The following HYAL4 variants were observed in gnomAD, a reference collection of about 807,000 sequenced individuals.
HYAL4 encodes the protein hyaluronidase 4.
A neutral mutation model predicts 35.2 loss-of-function variants in HYAL4; 37 were observed. That is an observed-to-expected ratio of 1.05 (90% CI 0.81 to 1.38). The LOEUF (loss-of-function observed/expected upper bound fraction) is 1.38, where lower values mean the gene tolerates loss of function less well. Ranked by LOEUF, HYAL4 falls within the 40% of genes most tolerant of loss-of-function variation. The pLI is 0.00. For synonymous variants in HYAL4, 198 were observed against 203.2 expected (o/e 0.97, Z 0.22); for missense variants, 572 against 572.4 (o/e 1.00, Z 0.01).
chr7:123,852,227 A>G (rs1195325786), intron 2 of HYAL4, among the ~76,000 whole-genome samples: 4 of 152,168 alleles, frequency 2.6e-5, no homozygotes, highest in African/African-American at 9.7e-5. Flanking sequence ...TGCTGTGCAG[A>G]AGGTCTTTAG....
the HYAL4 span, among the ~76,000 whole-genome samples, chr7:123,801,643 AT>A: frequency 6.6e-5 from 10 of 152,314 alleles, no homozygotes; most frequent in South Asian, 1.9e-3. Flanking sequence ...GATTTCATCA[AT>A]TTTATTTCAT....
chr7:123,851,435 C>T (rs893556323), intron 2 of HYAL4, among the ~76,000 whole-genome samples: 1 of 152,018 alleles, frequency 6.6e-6, no homozygotes, highest in Non-Finnish European at 1.5e-5. Context: ...ATGTTCCCCT[C>T]CCTGTGTCCA....
chr7:123,824,519 C>A (rs1005111419), upstream of HYAL4, among the ~76,000 whole-genome samples: 3 of 152,088 alleles, frequency 2.0e-5, no homozygotes, highest in African/African-American at 4.8e-5. Context: ...CTTTTTCTTA[C>A]ATGAAGCGCT....
At chr7:123,801,079 C>T in the HYAL4 span, among the ~76,000 whole-genome samples, 1 of 152,070 alleles carries the variant, frequency 6.6e-6, no homozygotes, top group Non-Finnish European at 1.5e-5. Flanking sequence ...ATTTTGGAGG[C>T]CAAGGTGGGC....
chr7:123,796,387 A>G, the HYAL4 span, among the ~76,000 whole-genome samples: 2 of 152,230 alleles, frequency 1.3e-5, no homozygotes, highest in East Asian at 3.8e-4. Flanking sequence ...GTTTATAAGT[A>G]TACTATTAGC....
the HYAL4 span, among the ~76,000 whole-genome samples, chr7:123,789,885 G>A: frequency 6.6e-6 from 1 of 152,180 alleles, no homozygotes; most frequent in Non-Finnish European, 1.5e-5. Context: ...CAGAGCGAGA[G>A]TGAGAATGAG....
Position 123,869,039 on chromosome 7 carries a change from G to C in HYAL4, c.766G>C (p.Ala256Pro), listed in dbSNP as rs187416553. 6.2e-7 allele frequency: 1 copy of C among 1,614,228 alleles called. No homozygotes were observed. Among genetic ancestry groups the C allele is most frequent in the South Asian group, 1.1e-5 (1 of 91,084 alleles). The change falls in exon 3 of 5, where the codon GCT becomes CCT. Residue 256 changes from alanine (A) to proline (P), a missense_variant. By Grantham distance (27) the Ala-to-Pro change is conservative (BLOSUM62 -1). Transcript: ENST00000223026. ...NELSWLWNSS[A>P]ALYPSIGVWK... is the part of the protein sequence containing the mutation. ...GCTCTCTTGGCTCTGGAACAGCAGT[G>C]CTGCTTTATATCCTTCTATCGGTGT...
At chr7:123,780,342 A>G in the HYAL4 span, among the ~76,000 whole-genome samples, 3 of 152,166 alleles carry the variant, frequency 2.0e-5, no homozygotes, top group African/African-American at 7.2e-5. Context: ...TAAGTTATTT[A>G]ATCTTTATCA....
intron 2 of HYAL4, among the ~76,000 whole-genome samples, chr7:123,851,315 A>T (rs1166023916): frequency 6.6e-6 from 1 of 152,164 alleles, no homozygotes. Flanking sequence ...ACGTAGCTAT[A>T]CATGTGTCAT....
At position 123,870,794 on chromosome 7, in the gene HYAL4, C is replaced by A. The variant is rs189451283; in HGVS notation, c.954+1567C>A. On this transcript the variant is annotated intron_variant, in intron 3 of 4. Coordinates refer to ENST00000223026, the MANE Select transcript of HYAL4 (RefSeq NM_012269.3). ...AAAAAAGAAAGAAAGTTACGTAAAT[C>A]TTTATAAAATAATCTTGACTCTGGA... 2.6e-5 allele frequency among the ~76,000 whole-genome samples: 4 copies of A among 151,568 alleles called. No homozygotes were observed. The East Asian group carries it at 7.8e-4, about 29-fold the overall frequency.
rs1806800523 is a variant in HYAL4 at position 123,869,236 on chromosome 7, C to G, written c.954+9C>G. ...TATTTTTCCTTTCTAAGGTAAGAAGCTTCTTGTCCAATGGTGGGGGATTTC... is the reference window on the plus strand; with the variant it reads ...TATTTTTCCTTTCTAAGGTAAGAAGGTTCTTGTCCAATGGTGGGGGATTTC... On this transcript the variant is annotated intron_variant, in intron 3 of 4. Transcript: ENST00000223026. The G allele has an allele frequency of 2.6e-6, 4 of 1,543,196 alleles. No homozygotes were observed. Among genetic ancestry groups the G allele is most frequent in the African/African-American group, 1.4e-5 (1 of 72,760 alleles).
the HYAL4 span, among the ~76,000 whole-genome samples, chr7:123,818,836 A>G: frequency 6.6e-6 from 1 of 152,094 alleles, no homozygotes; most frequent in Non-Finnish European, 1.5e-5. Context: ...AATTGTATGT[A>G]TTTATCATAT....
chr7:123,835,221 T>C (rs529745261), intron 1 of HYAL4, among the ~76,000 whole-genome samples: 6 of 148,354 alleles, frequency 4.0e-5, no homozygotes, highest in South Asian at 2.1e-4. Flanking sequence ...GACTTTTTCA[T>C]TGGTAATTTT....
intron 4 of HYAL4, 113 bp from the exon 5 acceptor site, chr7:123,876,641 C>T (rs1584930510): frequency 1.8e-6 from 2 of 1,122,990 alleles, no homozygotes; most frequent in African/African-American, 3.1e-5. Flanking sequence ...GACCAAAGAA[C>T]TGTGCTAGAA....
chr7:123,832,489 T>C (rs1268334937), intron 1 of HYAL4, among the ~76,000 whole-genome samples: 3,762 of 63,510 alleles, frequency 0.059, 695 homozygotes, highest in African/African-American at 0.13. Flanking sequence ...CTTTTTTTTT[T>C]TTTTTTTTTT....
chr7:123,841,607 G>C (rs543251060), upstream of HYAL4, among the ~76,000 whole-genome samples: 232 of 152,108 alleles, frequency 1.5e-3, no homozygotes, highest in African/African-American at 5.4e-3. Flanking sequence ...ATTCGGCTGT[G>C]AATCTGTCTG....
intron 2 of HYAL4, among the ~76,000 whole-genome samples, chr7:123,849,870 T>C (rs1197921063): frequency 1.3e-5 from 2 of 151,318 alleles, no homozygotes; most frequent in Admixed American, 1.3e-4. Flanking sequence ...CTCTCACAAA[T>C]AACAAAAAAC....
chr7:123,827,127 G>A (rs187142443), upstream of HYAL4, among the ~76,000 whole-genome samples: 8 of 152,162 alleles, frequency 5.3e-5, no homozygotes, highest in African/African-American at 1.9e-4. Flanking sequence ...ATGAGATGGG[G>A]TGAGCTTATC....
At chr7:123,825,128 A>C (rs74986217), upstream of HYAL4, among the ~76,000 whole-genome samples, 4,794 of 151,660 alleles carry the variant, frequency 0.032, 94 homozygotes, top group South Asian at 0.039. Context: ...CTCTCTCTCT[A>C]TATATATATC....
Sources: allele counts gnomAD v4.1 joint callset (sites outside exome capture counted in the v4.1 genomes callset), GRCh38; gene constraint gnomAD v4.1.1; transcripts MANE v1.5; gene names NCBI Gene and HGNC (gene_info 2026-07-23, HGNC 2026-07-21).